MAGI2: variants seen among roughly 807,000 people sequenced by gnomAD.
MAGI2 encodes membrane-associated guanylate kinase, WW and PDZ domain-containing protein 2.
Under a neutral mutation model 133.3 loss-of-function variants are expected in MAGI2, and 35 were observed. That is an observed-to-expected ratio of 0.26 (90% confidence interval 0.20 to 0.35). The LOEUF (loss-of-function observed/expected upper bound fraction) is 0.35. MAGI2 is among the 10% of genes least tolerant of loss of function. MAGI2 has a pLI of 1.00. For synonymous variants in MAGI2, 729 were observed against 710.6 expected (o/e 1.03, Z -0.41); for missense variants, 1,636 against 1,863.4 (o/e 0.88, Z 2.25).
chr7:78,315,953 T>A (rs988727027), intron 9 of MAGI2, among the ~76,000 whole-genome samples: 1 of 152,216 alleles, frequency 6.6e-6, no homozygotes, highest in South Asian at 2.1e-4. Context: ...CCAAAACATA[T>A]TCTTCCTTTA....
chr7:78,057,845 G>A (rs968585103), intron 21 of MAGI2, among the ~76,000 whole-genome samples: 6 of 151,562 alleles, frequency 4.0e-5, no homozygotes, highest in Admixed American at 1.3e-4. Flanking sequence ...TTGAAAACAA[G>A]CTAAAGATAT....
chr7:78,091,015 C>T (rs1817142361), intron 20 of MAGI2, among the ~76,000 whole-genome samples: 1 of 151,200 alleles, frequency 6.6e-6, no homozygotes, highest in Non-Finnish European at 1.5e-5. Context: ...TCTTTTGTAG[C>T]TTTTAACATC....
intron 3 of MAGI2, among the ~76,000 whole-genome samples, chr7:78,609,128 T>C (rs561573893): frequency 5.3e-4 from 80 of 152,298 alleles, no homozygotes; most frequent in African/African-American, 1.8e-3. Context: ...GGTAGCTGAT[T>C]AGATTGTGCC....
At chr7:78,585,914 A>G (rs1803349696) in intron 3 of MAGI2, among the ~76,000 whole-genome samples, 1 of 152,192 alleles carries the variant, frequency 6.6e-6, no homozygotes, top group South Asian at 2.1e-4. Flanking sequence ...AGAGAATGGC[A>G]AGTCTGGGAA....
At chr7:79,069,071 T>C (rs1360924179) in intron 1 of MAGI2, among the ~76,000 whole-genome samples, 1 of 152,084 alleles carries the variant, frequency 6.6e-6, no homozygotes, top group Non-Finnish European at 1.5e-5. Context: ...AGAATGTATA[T>C]TCTGTTGATT....
intron 2 of MAGI2, among the ~76,000 whole-genome samples, chr7:78,662,901 A>T (rs1173535530): frequency 1.3e-5 from 2 of 152,218 alleles, no homozygotes; most frequent in Non-Finnish European, 2.9e-5. Context: ...ACTACGTACC[A>T]GTCATGCCTT....
At chr7:78,688,994 A>C (rs1308647314) in intron 2 of MAGI2, among the ~76,000 whole-genome samples, 2 of 152,194 alleles carry the variant, frequency 1.3e-5, no homozygotes, top group Non-Finnish European at 2.9e-5. Context: ...CTCTTTCTTT[A>C]AACAGAAGTT....
intron 1 of MAGI2, among the ~76,000 whole-genome samples, chr7:79,119,748 G>A (rs1819723467): frequency 6.6e-6 from 1 of 151,866 alleles, no homozygotes; most frequent in Non-Finnish European, 1.5e-5. Context: ...ATCTAACATC[G>A]AAGGGAAGGG....
intron 10 of MAGI2, among the ~76,000 whole-genome samples, chr7:78,210,686 A>G (rs1418545946): frequency 1.3e-5 from 2 of 152,196 alleles, no homozygotes; most frequent in African/African-American, 4.8e-5. Flanking sequence ...AATGCAGCAA[A>G]ATTGTGTTGC....
chr7:78,099,176 T>G (rs1817981529), intron 20 of MAGI2, among the ~76,000 whole-genome samples: 1 of 152,158 alleles, frequency 6.6e-6, no homozygotes, highest in Non-Finnish European at 1.5e-5. Flanking sequence ...TAATTGTAAT[T>G]TGCAGACAAA....
At chr7:79,096,943 A>G (rs1320211577) in intron 1 of MAGI2, among the ~76,000 whole-genome samples, 1 of 152,266 alleles carries the variant, frequency 6.6e-6, no homozygotes, top group South Asian at 2.1e-4. Flanking sequence ...TTTTCTGTAA[A>G]TGTTATTCGT....
intron 21 of MAGI2, among the ~76,000 whole-genome samples, chr7:78,034,420 C>T (rs1258871863): frequency 1.3e-5 from 2 of 152,198 alleles, no homozygotes; most frequent in African/African-American, 2.4e-5. Context: ...TTCCCTATTT[C>T]TTTAATAACC....
At chr7:79,445,506 G>T (rs1401294395) in intron 1 of MAGI2, among the ~76,000 whole-genome samples, 1 of 152,084 alleles carries the variant, frequency 6.6e-6, no homozygotes, top group East Asian at 1.9e-4. Context: ...GTGGGCAAAG[G>T]ATATGAACAG....
At chr7:78,684,558 T>A (rs1052182880) in intron 2 of MAGI2, among the ~76,000 whole-genome samples, 1 of 152,152 alleles carries the variant, frequency 6.6e-6, no homozygotes, top group Non-Finnish European at 1.5e-5. Flanking sequence ...GAAACACTTA[T>A]GGATATAATG....
intron 1 of MAGI2, among the ~76,000 whole-genome samples, chr7:79,363,580 T>G (rs748458652): frequency 6.0e-5 from 9 of 151,130 alleles, no homozygotes; most frequent in Non-Finnish European, 8.9e-5. Context: ...AGACTTAAAT[T>G]TAAGACCTGA....
At chr7:78,770,949 A>G (rs1825528023) in intron 2 of MAGI2, 2 of 152,140 alleles carry the variant, frequency 1.3e-5, no homozygotes, top group African/African-American at 4.8e-5. Flanking sequence ...TACTGATCCA[A>G]CCCATTCGCA....
At chr7:78,341,966 T>C (rs1235177742) in intron 9 of MAGI2, among the ~76,000 whole-genome samples, 1 of 152,124 alleles carries the variant, frequency 6.6e-6, no homozygotes, top group Non-Finnish European at 1.5e-5. Context: ...AAATGGGATC[T>C]AATTAAACTA....
intron 1 of MAGI2, among the ~76,000 whole-genome samples, chr7:79,397,925 C>T (rs1394666263): frequency 1.3e-5 from 2 of 152,056 alleles, no homozygotes; most frequent in African/African-American, 2.4e-5. Flanking sequence ...TTTGGATAAT[C>T]ATATTTATTT....
chr7:78,559,204 A>G (rs1388778286), intron 3 of MAGI2, among the ~76,000 whole-genome samples: 2 of 116,096 alleles, frequency 1.7e-5, no homozygotes, highest in Non-Finnish European at 3.7e-5. Flanking sequence ...AAGAAAAACA[A>G]TAGTGGGGCT....
Sources: gnomAD v4.1 joint callset for allele counts (sites outside exome capture counted in the v4.1 genomes callset) on GRCh38, gnomAD v4.1.1 for gene constraint, MANE v1.5 for transcripts, NCBI Gene and HGNC (gene_info 2026-07-23, HGNC 2026-07-21) for gene names.